Variants in CYP4F11 observed in about 807,000 individuals in gnomAD.
The protein encoded by CYP4F11 is cytochrome P450 family 4 subfamily F member 11.
A neutral mutation model predicts 62.2 loss-of-function variants in CYP4F11; 79 were observed. The ratio of observed to expected loss-of-function variants is 1.27; its 90% CI spans 1.06 to 1.53. The LOEUF (loss-of-function observed/expected upper bound fraction) is 1.53, where lower values mean the gene tolerates loss of function less well. CYP4F11 is among the 40% of genes most tolerant of loss of function. CYP4F11 has a pLI of 0.00. For synonymous variants in CYP4F11, 290 were observed against 263.7 expected (o/e 1.10, Z -0.97); for missense variants, 777 against 680.5 (o/e 1.14, Z -1.58).
intron 8 of CYP4F11, among the ~76,000 whole-genome samples, chr19:15,917,114 CTT>C (rs2089589257): frequency 6.6e-6 from 1 of 152,136 alleles, no homozygotes; most frequent in Non-Finnish European, 1.5e-5. Flanking sequence ...GAAATAATGT[CTT>C]TTGCAACAAC....
chr19:15,934,055 A>T (rs2089754890), intron 1 of CYP4F11, among the ~76,000 whole-genome samples, 156 bp downstream of exon 1: 1 of 141,732 alleles, frequency 7.1e-6, no homozygotes, highest in Non-Finnish European at 1.6e-5. Flanking sequence ...GAGAGGAATG[A>T]GTGAGTGGGC....
At chr19:15,931,488 G>A (rs1306394383) in intron 1 of CYP4F11, among the ~76,000 whole-genome samples, 2 of 151,790 alleles carry the variant, frequency 1.3e-5, no homozygotes, top group Admixed American at 6.6e-5. Context: ...GCTGGAGTGG[G>A]AGGACAGGGA....
At chr19:15,921,688 T>C (rs1178782688) in intron 8 of CYP4F11, among the ~76,000 whole-genome samples, 1 of 152,174 alleles carries the variant, frequency 6.6e-6, no homozygotes, top group Admixed American at 6.5e-5. Flanking sequence ...TACAACAGGA[T>C]TGAAATTAGG....
chr19:15,927,727 G>A (rs1445265209), intron 2 of CYP4F11: 1 of 550,906 alleles, frequency 1.8e-6, no homozygotes, highest in Non-Finnish European at 3.2e-6. Flanking sequence ...CTCCTACAAG[G>A]TCCAACATGT....
At chr19:15,919,469 T>TAGATA (rs1051779776) in intron 8 of CYP4F11, among the ~76,000 whole-genome samples, 1 of 142,910 alleles carries the variant, frequency 7.0e-6, no homozygotes, top group Non-Finnish European at 1.5e-5. Context: ...GATGGACAGA[T>TAGATA]GTATAGATAG....
intron 2 of CYP4F11, 158 bp from the exon 3 acceptor site, chr19:15,927,641 G>T: frequency 1.0e-6 from 1 of 956,132 alleles, no homozygotes; most frequent in Non-Finnish European, 1.6e-6. Context: ...GGATGGTGGA[G>T]GAAGGAGAGA....
intron 8 of CYP4F11, among the ~76,000 whole-genome samples, chr19:15,919,101 TTAAA>T (rs1030055185): frequency 1.3e-4 from 19 of 148,788 alleles, no homozygotes; most frequent in African/African-American, 3.9e-4. Context: ...AATTATTAAA[TTAAA>T]TAAACATATT....
In CYP4F11 at chr19:15,934,379, G is replaced by T; in HGVS notation, c.30C>A (p.Gly10=). Residue 10 remains glycine (G), a synonymous_variant, in exon 1 of 12, where the codon GGC becomes GGA. Coordinates refer to ENST00000402119, the MANE Select transcript of CYP4F11 (RefSeq NM_021187.4). MPQLSLSWL[G]LGPVAASPWL... is the part of the protein sequence containing the mutation. ...ACGGGGATGCTGCCACGGGCCCGAGGCCCAGCCAGGACAGGCTCAGCTGCG... is the reference window on the plus strand; with the variant it reads ...ACGGGGATGCTGCCACGGGCCCGAGTCCCAGCCAGGACAGGCTCAGCTGCG... 1 of 1,613,290 alleles carries T rather than the reference G, an allele frequency of 6.2e-7. No homozygotes were observed. The highest frequency in any genetic ancestry group is 8.5e-7 in the Non-Finnish European group (1 of 1,179,680).
chr19:15,929,631 T>G, intron 1 of CYP4F11, 30 bp from the exon 2 acceptor site: 1 of 1,554,230 alleles, frequency 6.4e-7, no homozygotes, highest in Non-Finnish European at 8.7e-7. Context: ...CGTCAGCCCT[T>G]GTGATGGTTA....
chr19:15,924,536 C>A (rs2089654300), intron 5 of CYP4F11, among the ~76,000 whole-genome samples: 1 of 152,188 alleles, frequency 6.6e-6, no homozygotes, highest in African/African-American at 2.4e-5. Context: ...TGATAAAGTT[C>A]ATGCCACTTT....
chr19:15,914,743 C>T lies in CYP4F11; in HGVS notation c.1249+19G>A. 2.5e-6 allele frequency: 4 copies of T among 1,613,922 alleles called. No homozygotes were observed. The highest frequency in any genetic ancestry group is 1.1e-5 in the South Asian group (1 of 91,084). On this transcript the variant is annotated intron_variant, in intron 9 of 11. Coordinates refer to ENST00000402119, the MANE Select transcript of CYP4F11 (RefSeq NM_021187.4). ...CCTCTTGCTACCCAGGAGGCTCCTC[C>T]CCCTGAGGCTGTGAGCACCTTTGGG... is the stretch of plus-strand genomic sequence containing the variant.
intron 4 of CYP4F11, 44 bp downstream of exon 4, chr19:15,927,168 C>T (rs771366693): frequency 6.2e-7 from 1 of 1,601,526 alleles, no homozygotes; most frequent in Non-Finnish European, 8.5e-7. Flanking sequence ...TGTGGTCCCT[C>T]TACCCCAAGG....
chr19:15,921,989 G>A (rs1334387621), intron 8 of CYP4F11, 48 bp downstream of exon 8: 2 of 1,519,954 alleles, frequency 1.3e-6, no homozygotes, highest in South Asian at 2.8e-5. Context: ...CACCTGAGGA[G>A]CAGAACCAAT....
intron 8 of CYP4F11, among the ~76,000 whole-genome samples, chr19:15,919,651 T>C (rs1309702459): frequency 3.3e-5 from 5 of 152,176 alleles, no homozygotes; most frequent in African/African-American, 7.2e-5. Flanking sequence ...TAGTGTCGCA[T>C]TGAGTCCAAG....
In CYP4F11 at chr19:15,913,762, C is replaced by T. The variant is rs1196019703; in HGVS notation, c.1545G>A (p.Arg515=). The T allele has an allele frequency of 6.2e-7, 1 of 1,614,154 alleles. No individual in the cohort carries two copies. Among genetic ancestry groups the T allele is most frequent in the East Asian group, 2.2e-5 (1 of 44,880 alleles). ...ILRAEGGLWL[R]VEPLGANSQ The stretch of plus-strand genomic sequence containing the variant: ...GTGAGTTCGCACCCAGGGGCTCCAC[C>T]CGCAGCCAAAGTCCACCCTCTGCGC... Residue 515 remains arginine, a synonymous_variant, in exon 12 of 12, where the codon CGG becomes CGA. Transcript: ENST00000402119.
At position 15,922,403 on chromosome 19, in the gene CYP4F11, C is replaced by T. The variant is rs2089636294; in HGVS notation, c.946G>A (p.Glu316Lys). 1.2e-6 allele frequency: 2 copies of T among 1,614,188 alleles called. No individual in the cohort carries two copies. The highest frequency in any genetic ancestry group is 1.7e-6 in the Non-Finnish European group (2 of 1,180,032). Reference protein sequence around the residue: ...KDEDGKELSDEDIRAEADTFM... With the variant: ...KDEDGKELSDKDIRAEADTFM... ...GTGTCAGCTTCTGCTCTTATGTCCT[C>T]ATCAGACAATTCCTTCCCATCTTCA... is the stretch of plus-strand genomic sequence containing the variant. The change falls in exon 7 of 12, where the codon GAG becomes AAG. Residue 316 changes from glutamate to lysine, a missense_variant. Coordinates refer to ENST00000402119, the MANE Select transcript of CYP4F11 (RefSeq NM_021187.4).
At chr19:15,934,554 T>A (rs1288013926), upstream of CYP4F11, 4 of 964,086 alleles carry the variant, frequency 4.1e-6, no homozygotes, top group Non-Finnish European at 5.9e-6. Flanking sequence ...AGAGCTGAGA[T>A]CTAAAGTCCA....
chr19:15,919,071 TAC>T (rs1202995129), intron 8 of CYP4F11, among the ~76,000 whole-genome samples: 1 of 150,090 alleles, frequency 6.7e-6, no homozygotes, highest in Non-Finnish European at 1.5e-5. Flanking sequence ...TATGGAAATA[TAC>T]ACATTTCATT....
intron 4 of CYP4F11, among the ~76,000 whole-genome samples, chr19:15,926,422 A>T (rs12327775): frequency 0.028 from 4,194 of 152,298 alleles, 207 homozygotes; most frequent in African/African-American, 0.097. Flanking sequence ...GCTTGCAATT[A>T]AGAAAAACAT....
Sources: allele counts gnomAD v4.1 joint callset (sites outside exome capture counted in the v4.1 genomes callset), GRCh38; gene constraint gnomAD v4.1.1; transcripts MANE v1.5; gene names NCBI Gene and HGNC (gene_info 2026-07-23, HGNC 2026-07-21).